Variants in UBR3 observed in about 807,000 individuals in gnomAD.
UBR3 encodes E3 ubiquitin-protein ligase UBR3.
Under a neutral mutation model 243.2 loss-of-function variants are expected in UBR3, and 85 were observed. The ratio of observed to expected loss-of-function variants is 0.35; its 90% CI spans 0.29 to 0.42. UBR3 has a LOEUF of 0.42. Ranked by LOEUF, UBR3 falls within the 10% of genes least tolerant of loss-of-function variation. The probability of loss-of-function intolerance (pLI) is 1.00; values close to 1 mark genes in which losing one functional copy is unlikely to be tolerated. For synonymous variants in UBR3, 748 were observed against 799.8 expected, an observed-to-expected ratio of 0.94 and a Z score of 1.09; for missense variants, 1,686 against 2,300.8, an observed-to-expected ratio of 0.73 and a Z score of 5.47.
chr2:170,002,493 T>C (rs927378201), intron 27 of UBR3, among the ~76,000 whole-genome samples: 2 of 152,230 alleles, frequency 1.3e-5, no homozygotes. Context: ...GCGTCTGTTG[T>C]CACATTCCCT....
chr2:169,923,877 A>C, intron 11 of UBR3, 52 bp from the exon 12 acceptor site: 1 of 1,437,434 alleles, frequency 7.0e-7, no homozygotes, highest in Middle Eastern at 1.8e-4. Flanking sequence ...CAACCATCTT[A>C]AAATTTCTAT....
chr2:169,946,255 G>C (rs2086790346), intron 20 of UBR3, 33 bp from the exon 21 acceptor site: 2 of 1,253,118 alleles, frequency 1.6e-6, no homozygotes, highest in South Asian at 3.1e-5. Context: ...GTGGAAAAAA[G>C]TAATTATGAG....
chr2:169,838,234 T>C (rs1206826196), intron 1 of UBR3, among the ~76,000 whole-genome samples: 1 of 152,182 alleles, frequency 6.6e-6, no homozygotes, highest in African/African-American at 2.4e-5. Context: ...TAGTGAACTG[T>C]AGTTTAATCA....
intron 23 of UBR3, among the ~76,000 whole-genome samples, chr2:169,955,337 C>T (rs2087230109): frequency 6.6e-6 from 1 of 151,958 alleles, no homozygotes; most frequent in Non-Finnish European, 1.5e-5. Flanking sequence ...TCATGGGTTC[C>T]TATTTTATTT....
chr2:170,011,684 A>G (rs1338453136), intron 29 of UBR3, among the ~76,000 whole-genome samples: 7 of 142,084 alleles, frequency 4.9e-5, no homozygotes, highest in Admixed American at 3.6e-4. Flanking sequence ...TTTTATTTGC[A>G]TGGTGAAGCC....
chr2:169,827,834 G>A lies in UBR3; in HGVS notation c.327G>A (p.Ala109=). Residue 109 remains alanine (A), a synonymous_variant, in exon 1 of 39, where the codon GCG becomes GCA. Coordinates refer to ENST00000272793, the MANE Select transcript of UBR3 (RefSeq NM_172070.4). ...AGGGGYDEFC[A]AVRAYDPAAL... ...GCGGCGGCTACGACGAGTTCTGCGCGGCGGTGCGGGCCTACGATCCCGCGG... is the reference window on the plus strand; with the variant it reads ...GCGGCGGCTACGACGAGTTCTGCGCAGCGGTGCGGGCCTACGATCCCGCGG... 1 of 1,503,086 alleles carries A rather than the reference G, an allele frequency of 6.7e-7. No individual in the cohort carries two copies. The highest frequency in any genetic ancestry group is 8.8e-7 in the Non-Finnish European group (1 of 1,130,138). The allele number at this position is 1,503,086 out of a possible 1,614,324, so 93.1% of individuals were successfully genotyped here. A position where few individuals can be genotyped will look rare whatever the true frequency, so the allele number is the denominator to read the frequency against.
chr2:170,018,090 A>G (rs2090296773), intron 30 of UBR3, among the ~76,000 whole-genome samples: 1 of 152,204 alleles, frequency 6.6e-6, no homozygotes, highest in Non-Finnish European at 1.5e-5. Context: ...CAAAGGATGC[A>G]GAACTTTTAA....
intron 2 of UBR3, among the ~76,000 whole-genome samples, chr2:169,873,800 A>G (rs1405038281): frequency 6.6e-6 from 1 of 152,200 alleles, no homozygotes; most frequent in Non-Finnish European, 1.5e-5. Flanking sequence ...GGGTTATTGA[A>G]ATTGCCTTAT....
intron 1 of UBR3, among the ~76,000 whole-genome samples, chr2:169,871,964 T>TA (rs967524260): frequency 2.8e-4 from 42 of 151,834 alleles, no homozygotes; most frequent in African/African-American, 9.4e-4. Flanking sequence ...AAATTTCAGT[T>TA]AAAAAAAAGT....
Position 169,986,937 on chromosome 2 carries a change from AT to A in UBR3, c.3784+145del, listed in dbSNP as rs1481778952. ...GTCAGTTTAGATCCAAATAACAAAG[AT>A]TCTTTATCGGTTATATCTTATTTTC... On this transcript the variant is annotated intron_variant, in intron 25 of 38. Coordinates refer to ENST00000272793, the MANE Select transcript of UBR3 (RefSeq NM_172070.4). 1.9e-5 allele frequency: 16 copies of A among 841,902 alleles called. No homozygotes were observed. The African/African-American group carries it at 2.4e-4, about 13-fold the overall frequency. The allele number at this position is 841,902 out of a possible 1,614,324, so 52.2% of individuals were successfully genotyped here.
intron 5 of UBR3, among the ~76,000 whole-genome samples, chr2:169,883,979 C>T (rs1377081935): frequency 5.3e-5 from 8 of 151,896 alleles, no homozygotes; most frequent in Non-Finnish European, 7.4e-5. Flanking sequence ...ACTACAGGCG[C>T]GTGCCACCAC....
intron 33 of UBR3, among the ~76,000 whole-genome samples, chr2:170,056,239 C>T (rs1164291668): frequency 2.0e-5 from 3 of 152,060 alleles, no homozygotes; most frequent in African/African-American, 7.2e-5. Context: ...AACTCCTGAC[C>T]TTGTGATCCG....
chr2:169,837,548 T>C (rs2082148455), intron 1 of UBR3, among the ~76,000 whole-genome samples: 1 of 152,210 alleles, frequency 6.6e-6, no homozygotes, highest in Admixed American at 6.5e-5. Flanking sequence ...TGACTCACAG[T>C]TCAGCATGGC....
chr2:170,006,967 T>C (rs767990096), intron 27 of UBR3, 23 bp from the exon 28 acceptor site: 2 of 1,609,186 alleles, frequency 1.2e-6, no homozygotes, highest in Non-Finnish European at 1.7e-6. Flanking sequence ...ATCACGCATC[T>C]GTATGTTTAT....
intron 32 of UBR3, among the ~76,000 whole-genome samples, chr2:170,048,537 C>G (rs979769543): frequency 2.0e-5 from 3 of 152,156 alleles, no homozygotes; most frequent in Admixed American, 6.5e-5. Context: ...AATTCCTGAC[C>G]TTCCTCAAAG....
intron 27 of UBR3, 24 bp downstream of exon 27, chr2:170,001,438 TA>T: frequency 7.0e-7 from 1 of 1,432,292 alleles, no homozygotes; most frequent in Non-Finnish European, 9.8e-7. Flanking sequence ...AAAAATTTTT[TA>T]AAGGTGCATG....
chr2:170,001,498 A>G, intron 27 of UBR3, 84 bp downstream of exon 27: 1 of 773,176 alleles, frequency 1.3e-6, no homozygotes, highest in South Asian at 1.6e-5. Flanking sequence ...TCCCAATTCC[A>G]GCTCATCTTT....
rs1040716476 is a variant in UBR3 at position 169,963,218 on chromosome 2, C to T, written c.3634+4692C>T. 1.1e-4 allele frequency among the ~76,000 whole-genome samples: 17 copies of T among 152,284 alleles called. No individual in the cohort carries two copies. In the South Asian group the frequency reaches 1.2e-3, roughly 11 times the overall value. On this transcript the variant is annotated intron_variant, in intron 24 of 38. Coordinates refer to ENST00000272793, the MANE Select transcript of UBR3 (RefSeq NM_172070.4). ...GGTGCTATGTAGTGAAGTCTGTATA[C>T]AGTCCTTCAAATAATTATTCTGTTT...
Position 170,078,404 on chromosome 2 carries a change from G to C in UBR3, c.5200-1410G>C, listed in dbSNP as rs182807614. 10 of 227,530 alleles carry C rather than the reference G, an allele frequency of 4.4e-5. No individual in the cohort carries two copies. In the East Asian group the frequency reaches 1.3e-3, roughly 31 times the overall value. 14.1% of individuals were successfully genotyped at this position (227,530 alleles called of 1,614,324 possible). A position where few individuals can be genotyped will look rare whatever the true frequency, so the allele number is the denominator to read the frequency against. On this transcript the variant is annotated intron_variant, in intron 36 of 38. Transcript: ENST00000272793. ...ACAGGAAAGGCAAGACCGAATTTTA[G>C]GTGTAATCATGAGAGGTGTTACAGC...
Sources: gnomAD v4.1 joint callset for allele counts (sites outside exome capture counted in the v4.1 genomes callset) on GRCh38, gnomAD v4.1.1 for gene constraint, MANE v1.5 for transcripts, NCBI Gene and HGNC (gene_info 2026-07-23, HGNC 2026-07-21) for gene names.